PKD1: variants seen among roughly 807,000 people sequenced by gnomAD.
The protein encoded by PKD1 is polycystin 1, transient receptor potential channel interacting.
PKD1 carries 81 observed loss-of-function variants against 361.7 expected under a neutral mutation model. The ratio of observed to expected loss-of-function variants is 0.22; its 90% CI spans 0.19 to 0.27. The LOEUF is 0.27. Ranked by LOEUF, PKD1 falls within the 10% of genes least tolerant of loss-of-function variation. The probability of loss-of-function intolerance (pLI) is 1.00; values close to 1 mark genes in which losing one functional copy is unlikely to be tolerated. For missense variants in PKD1, 6,399 were observed against 6,118.3 expected, an observed-to-expected ratio of 1.05 and a Z score of -1.53; for synonymous variants, 3,615 against 2,818.3, an observed-to-expected ratio of 1.28 and a Z score of -8.95.
Position 2,091,505 on chromosome 16 carries a change from C to G in PKD1, c.11630G>C (p.Gly3877Ala). 1 of 1,432,062 alleles carries G rather than the reference C, an allele frequency of 7.0e-7. No individual in the cohort carries two copies. The allele number at this position is 1,432,062 out of a possible 1,614,324, so 88.7% of individuals were successfully genotyped here. ...GACGCTGAGGGCGGCCAGGGCGCGG[C>G]CGGCCGCCGGGAACTCGAGGCGCAG... ...VTLRLEFPAA[G>A]RALAALSVRP... Residue 3877 changes from glycine to alanine, a missense_variant, in exon 42 of 46, where the codon GGC (glycine) becomes GCC (alanine). Transcript: ENST00000262304.
chr16:2,102,785 G>T, intron 24 of PKD1, 29 bp downstream of exon 24: 1 of 1,609,696 alleles, frequency 6.2e-7, no homozygotes, highest in Non-Finnish European at 8.5e-7. Flanking sequence ...GCCCTGCCCT[G>T]CCCTGCCAGG....
In PKD1 at chr16:2,091,194, G is replaced by C. The variant is rs1447955773; in HGVS notation, c.11713-20C>G. 2.2e-6 allele frequency: 3 copies of C among 1,356,420 alleles called. No homozygotes were observed. The highest frequency in any genetic ancestry group is 3.6e-5 in the Admixed American group (1 of 27,498). The allele number at this position is 1,356,420 out of a possible 1,614,324, so 84.0% of individuals were successfully genotyped here. A position where few individuals can be genotyped will look rare whatever the true frequency, so the allele number is the denominator to read the frequency against. ...GCACACCTGTGGGGGGCGCGGTCAG[G>C]AGGGCGGGAGGGACGCTGCCGGGGC... On this transcript the variant is annotated intron_variant, in intron 42 of 45. Transcript: ENST00000262304.
At position 2,090,448 on chromosome 16, in the gene PKD1, C is replaced by T. The variant is rs1328068244; in HGVS notation, c.12281G>A (p.Arg4094Gln). The change falls in exon 45 of 46, where the codon CGG (arginine) becomes CAG (glutamine). Residue 4094 changes from arginine to glutamine, a missense_variant. Transcript: ENST00000262304. ...CCCCAGCCGTAGGGCGCCCCACAGC[C>T]GCAGTGCCCAGAGCCCCACACACAG... ...PLLCVGLWAL[R>Q]LWGALRLGAV... 6.2e-7 allele frequency: 1 copy of T among 1,612,484 alleles called. No individual in the cohort carries two copies. Among genetic ancestry groups the T allele is most frequent in the Middle Eastern group, 1.7e-4 (1 of 6,060 alleles).
chr16:2,099,839 C>T (rs940939547), intron 29 of PKD1, 22 bp downstream of exon 29: 25 of 1,561,056 alleles, frequency 1.6e-5, no homozygotes, highest in Middle Eastern at 2.3e-4. Flanking sequence ...GAAGAGGCTG[C>T]CCCGACCCCT....
At position 2,106,532 on chromosome 16, in the gene PKD1, C is replaced by T. The variant is rs2092342214; in HGVS notation, c.7355G>A (p.Gly2452Asp). 4.4e-6 allele frequency: 7 copies of T among 1,596,282 alleles called. No homozygotes were observed. Among genetic ancestry groups the T allele is most frequent in the Non-Finnish European group, 5.1e-6 (6 of 1,179,098 alleles). The change falls in exon 18 of 46, where the codon GGC (glycine) becomes GAC (aspartate). Residue 2452 changes from glycine (G) to aspartate (D), a missense_variant. Transcript: ENST00000262304. The surrounding 1 kb of genome is among the most constrained non-coding windows in gnomAD (Gnocchi z 6.5). ...GCAGCCCTCCTCCTCGCCAGAGCGG[C>T]CCAGCACCGTGAGCGTGAAGGTGTA... ...EGYTFTLTVL[G>D]RSGEEEGCAS...
In PKD1 at chr16:2,106,292, G is replaced by A. The variant is rs778221936; in HGVS notation, c.7502C>T (p.Ala2501Val). ...VHFECTGWHD[A>V]EDAGAPLVYA... ...CACCAGCGGGGCGCCAGCATCCTCC[G>A]CGTCATGCCAGCCTGAGGGACGGTC... Residue 2501 changes from alanine (A) to valine (V), a missense_variant, in exon 19 of 46, where the codon GCG becomes GTG. Physicochemically the swap from Ala to Val is moderately conservative, Grantham distance 64 (BLOSUM62 0). Coordinates refer to ENST00000262304, the MANE Select transcript of PKD1 (RefSeq NM_001009944.3). The surrounding 1 kb of genome is among the most constrained non-coding windows in gnomAD (Gnocchi z 6.5). The A allele has an allele frequency of 3.9e-5, 62 of 1,609,636 alleles. 1 individual carries two copies. The highest frequency in any genetic ancestry group is 1.5e-4 in the Admixed American group (9 of 59,946).
chr16:2,091,126 T>C lies in PKD1; in HGVS notation c.11761A>G (p.Thr3921Ala), dbSNP rs2091498927. The C allele has an allele frequency of 9.4e-6, 14 of 1,486,442 alleles. No homozygotes were observed. 92.1% of individuals were successfully genotyped at this position (1,486,442 alleles called of 1,614,324 possible). The change falls in exon 43 of 46, where the codon ACT becomes GCT. Residue 3921 changes from threonine (T) to alanine (A), a missense_variant. Transcript: ENST00000262304. ...AVHFAVAEAR[T>A]WHREGRWRVL... ...CGCCAGCGCCCTTCCCTGTGCCAAG[T>C]ACGGGCCTCGGCCACGGCGAAGTGC...
chr16:2,098,312 G>C (rs151031687), intron 30 of PKD1: 3 of 406,416 alleles, frequency 7.4e-6, no homozygotes, highest in African/African-American at 2.0e-5. Flanking sequence ...GCGTTCAGGC[G>C]ATTGTCCTGG....
intron 44 of PKD1, 37 bp downstream of exon 44, chr16:2,090,637 G>GAGCTA: frequency 2.5e-6 from 4 of 1,610,016 alleles, no homozygotes; most frequent in Non-Finnish European, 3.4e-6. Context: ...GAGCTGAGCT[G>GAGCTA]AGCTAAGACG....
At position 2,110,940 on chromosome 16, in the gene PKD1, G is replaced by A. The variant is rs747088849; in HGVS notation, c.4227C>T (p.Pro1409=). 114 of 1,610,862 alleles carry A rather than the reference G, an allele frequency of 7.1e-5. No homozygotes were observed. The highest frequency in any genetic ancestry group is 9.2e-5 in the Non-Finnish European group (108 of 1,179,840). Reference sequence around the variant, plus strand: ...TGCCAAAGTCCCAGGTGTAGCGGTAGGGGAACGGGGGCCAGGCACATGCCA... The same window carrying A: ...TGCCAAAGTCCCAGGTGTAGCGGTAAGGGAACGGGGGCCAGGCACATGCCA... ...WLVACAWPPF[P]YRYTWDFGTE... Residue 1409 remains proline, a synonymous_variant, in exon 15 of 46, where the codon CCC becomes CCT. Transcript: ENST00000262304.
rs749086796 is a variant in PKD1 at position 2,114,424 on chromosome 16, T to C, written c.2599A>G (p.Ser867Gly). Residue 867 changes from serine to glycine, a missense_variant, in exon 11 of 46, where the codon AGC (serine) becomes GGC (glycine). Transcript: ENST00000262304. ...GGGCAGACATTCTCAAAGCGGGCGC[T>C]GACACTGCCCCCAGGCCAGCGAGCC... is the stretch of plus-strand genomic sequence containing the variant. ...ATARWPGGSVSARFENVCPAL... is the reference protein window; with the variant it reads ...ATARWPGGSVGARFENVCPAL... 3 of 1,602,168 alleles carry C rather than the reference T, an allele frequency of 1.9e-6. No individual in the cohort carries two copies. Among genetic ancestry groups the C allele is most frequent in the Middle Eastern group, 2.3e-4 (1 of 4,428 alleles).
Position 2,135,878 on chromosome 16 carries a change from C to T in PKD1, c.-189G>A, listed in dbSNP as rs889357876. 9.1e-6 allele frequency: 2 copies of T among 219,236 alleles called. No homozygotes were observed. Among genetic ancestry groups the T allele is most frequent in the Admixed American group, 6.6e-5 (1 of 15,120 alleles). The allele number at this position is 219,236 out of a possible 1,614,324, so 13.6% of individuals were successfully genotyped here. A position where few individuals can be genotyped will look rare whatever the true frequency, so the allele number is the denominator to read the frequency against. ...CGCTCCGGGAGCTCGGCCGCCCGCT[C>T]GGACGCTGGCGCTGCAGTGCGGGCC... On this transcript the variant is annotated 5_prime_UTR_variant, in exon 1 of 46. Coordinates refer to ENST00000262304, the MANE Select transcript of PKD1 (RefSeq NM_001009944.3).
At chr16:2,125,415 C>T (rs2092784448) in intron 1 of PKD1, among the ~76,000 whole-genome samples, 1 of 152,188 alleles carries the variant, frequency 6.6e-6, no homozygotes. Flanking sequence ...GTGAGACTAG[C>T]TGGGGAGCCC....
intron 23 of PKD1, 52 bp downstream of exon 23, chr16:2,103,214 C>G (rs1338533383): frequency 6.3e-7 from 1 of 1,577,504 alleles, no homozygotes; most frequent in Admixed American, 1.7e-5. Context: ...GAAACGCCTT[C>G]CCCCCAAGAA....
Position 2,106,283 on chromosome 16 carries a change from G to A in PKD1, c.7511C>T (p.Ala2504Val), listed in dbSNP as rs748882488. ...ECTGWHDAED[A>V]GAPLVYALLL... ...CAGGGCGTACACCAGCGGGGCGCCAGCATCCTCCGCGTCATGCCAGCCTGA... is the reference window on the plus strand; with the variant it reads ...CAGGGCGTACACCAGCGGGGCGCCAACATCCTCCGCGTCATGCCAGCCTGA... Residue 2504 changes from alanine (A) to valine (V), a missense_variant, in exon 19 of 46, where the codon GCT (alanine) becomes GTT (valine). By Grantham distance (64) the Ala-to-Val change is moderately conservative (BLOSUM62 0). Transcript: ENST00000262304. The surrounding 1 kb of genome is among the most constrained non-coding windows in gnomAD (Gnocchi z 6.5). The A allele has an allele frequency of 1.2e-6, 2 of 1,609,830 alleles. No individual in the cohort carries two copies. Among genetic ancestry groups the A allele is most frequent in the Admixed American group, 1.7e-5 (1 of 59,976 alleles).
In PKD1 at chr16:2,108,904, CG is replaced by C; in HGVS notation, c.6262del (p.Arg2088GlyfsTer28). On this transcript the variant is annotated frameshift_variant, in exon 15 of 46. Transcript: ENST00000262304. LOFTEE classifies it high-confidence loss of function. ...AAAGTCCCAGTGGTAGGCCACACGC[CG>C]GGGGCTGGGGCTGGTGGCGGCCTCA... ...QFEAATSPSPRRVAYHWDFGD... is the reference protein window; with the variant it reads ...QFEAATSPSPXRVAYHWDFGD... 1.3e-6 allele frequency: 2 copies of C among 1,584,430 alleles called. No homozygotes were observed. Among genetic ancestry groups the C allele is most frequent in the Non-Finnish European group, 8.6e-7 (1 of 1,166,890 alleles).
At position 2,105,324 on chromosome 16, in the gene PKD1, T is replaced by C; in HGVS notation, c.8014A>G (p.Met2672Val). The C allele has an allele frequency of 2.5e-6, 4 of 1,594,412 alleles. No individual in the cohort carries two copies. Among genetic ancestry groups the C allele is most frequent in the Non-Finnish European group, 3.4e-6 (4 of 1,178,552 alleles). ...QQIAAALAQC[M>V]GPSRELVCRS... ...GTGAGCAGGTGGGGCCATCCTACCA[T>C]GCACTGGGCCAGCGCAGCAGCGATC... The change falls in exon 21 of 46, where the codon ATG becomes GTG. Residue 2672 changes from methionine to valine, a missense_variant and splice_region_variant. By Grantham distance (21) the Met-to-Val change is conservative (BLOSUM62 1). Transcript: ENST00000262304.
intron 32 of PKD1, 76 bp downstream of exon 32, chr16:2,097,652 C>T (rs1225719547): frequency 3.1e-6 from 5 of 1,610,544 alleles, no homozygotes; most frequent in Non-Finnish European, 3.4e-6. Flanking sequence ...CCAGCAAGGA[C>T]ACGCAGCCCG....
intron 30 of PKD1, chr16:2,098,901 G>A (rs1402967277): frequency 2.4e-4 from 35 of 147,456 alleles, no homozygotes; most frequent in African/African-American, 7.2e-4. Flanking sequence ...CGCAATCTCG[G>A]CTCACTGCAA....
Sources: allele counts gnomAD v4.1 joint callset (sites outside exome capture counted in the v4.1 genomes callset), GRCh38; gene constraint gnomAD v4.1.1; non-coding constraint Gnocchi (gnomAD v3.1); transcripts MANE v1.5; gene names NCBI Gene and HGNC (gene_info 2026-07-23, HGNC 2026-07-21).